The following SLC25A21 variants were observed in gnomAD, a reference collection of about 807,000 sequenced individuals.
The protein encoded by SLC25A21 is mitochondrial 2-oxodicarboxylate carrier.
SLC25A21 carries 47 observed loss-of-function variants against 43.8 expected under a neutral mutation model. The observed-to-expected ratio is 1.07, with a 90% CI of 0.85 to 1.37. The LOEUF is 1.37. SLC25A21 is among the 40% of genes most tolerant of loss of function. The pLI is 0.00. For synonymous variants in SLC25A21, 131 were observed against 121.3 expected (o/e 1.08, Z -0.52); for missense variants, 352 against 350.2 (o/e 1.00, Z -0.04).
At chr14:37,094,423 C>A (rs1164184627) in intron 1 of SLC25A21, among the ~76,000 whole-genome samples, 2 of 152,046 alleles carry the variant, frequency 1.3e-5, no homozygotes, top group Non-Finnish European at 2.9e-5. Flanking sequence ...TGATAATGCC[C>A]AGTTTGACGA....
chr14:36,843,303 T>G (rs148167311), intron 2 of SLC25A21, among the ~76,000 whole-genome samples: 1 of 152,276 alleles, frequency 6.6e-6, no homozygotes, highest in African/African-American at 2.4e-5. Flanking sequence ...GGAGCCTGGC[T>G]AATATAATAC....
At chr14:36,686,068 A>C (rs1292741461) in intron 7 of SLC25A21, among the ~76,000 whole-genome samples, 1 of 152,230 alleles carries the variant, frequency 6.6e-6, no homozygotes, top group Non-Finnish European at 1.5e-5. Context: ...TCAGTTAAAC[A>C]AGAAAATTCA....
intron 3 of SLC25A21, among the ~76,000 whole-genome samples, chr14:36,796,585 A>G (rs1594596033): frequency 6.6e-6 from 1 of 151,984 alleles, no homozygotes; most frequent in Non-Finnish European, 1.5e-5. Context: ...GGAGCTCACT[A>G]CTTGCCTTCC....
At chr14:37,137,632 T>C (rs1963504846) in intron 1 of SLC25A21, among the ~76,000 whole-genome samples, 1 of 152,216 alleles carries the variant, frequency 6.6e-6, no homozygotes, top group Admixed American at 6.5e-5. Context: ...TATACATTAC[T>C]ACATTGTAGG....
intron 7 of SLC25A21, among the ~76,000 whole-genome samples, chr14:36,699,670 C>G (rs1031286611): frequency 3.3e-5 from 5 of 152,186 alleles, no homozygotes; most frequent in African/African-American, 1.2e-4. Flanking sequence ...TGTCCCTCCC[C>G]CAGCCAGGCT....
chr14:36,914,071 T>C (rs1891764251), intron 1 of SLC25A21, among the ~76,000 whole-genome samples: 1 of 152,174 alleles, frequency 6.6e-6, no homozygotes, highest in Non-Finnish European at 1.5e-5. Flanking sequence ...GACAGCTAAA[T>C]GCTAAATACA....
At chr14:36,714,209 T>A (rs1002692974) in intron 6 of SLC25A21, among the ~76,000 whole-genome samples, 3 of 152,230 alleles carry the variant, frequency 2.0e-5, no homozygotes, top group Non-Finnish European at 2.9e-5. Context: ...TCTTTGTTAG[T>A]TGAAGGCAGT....
At chr14:37,018,405 C>A (rs1168811949) in intron 1 of SLC25A21, among the ~76,000 whole-genome samples, 1 of 152,034 alleles carries the variant, frequency 6.6e-6, no homozygotes, top group Non-Finnish European at 1.5e-5. Context: ...TTATGAGAAT[C>A]ATTTCACAAT....
At chr14:36,723,668 A>C (rs1884467357) in intron 6 of SLC25A21, among the ~76,000 whole-genome samples, 1 of 152,250 alleles carries the variant, frequency 6.6e-6, no homozygotes, top group African/African-American at 2.4e-5. Flanking sequence ...CATTCTTGCA[A>C]GTCATTAGCA....
intron 1 of SLC25A21, among the ~76,000 whole-genome samples, chr14:37,154,185 G>T (rs188818619): frequency 1.2e-4 from 19 of 152,116 alleles, no homozygotes; most frequent in Admixed American, 1.2e-3. Context: ...GGCCCACCTG[G>T]CATCTTAGTC....
At chr14:37,069,858 T>C (rs1962136587) in intron 1 of SLC25A21, among the ~76,000 whole-genome samples, 2 of 152,224 alleles carry the variant, frequency 1.3e-5, no homozygotes, top group Non-Finnish European at 2.9e-5. Context: ...CCTGGTTCTC[T>C]GCTCAAGAAA....
chr14:36,929,512 C>G (rs2138634682), intron 1 of SLC25A21, among the ~76,000 whole-genome samples: 1 of 152,080 alleles, frequency 6.6e-6, no homozygotes, highest in Admixed American at 6.5e-5. Flanking sequence ...AGTCTGTTTC[C>G]AATTAGAGAA....
At chr14:36,711,615 G>T in intron 6 of SLC25A21, 133 bp from the exon 7 acceptor site, 1 of 964,488 alleles carries the variant, frequency 1.0e-6, no homozygotes, top group Non-Finnish European at 1.4e-6. Flanking sequence ...ATCATGCCTA[G>T]AACTGTGTTT....
chr14:37,127,842 G>A (rs1255693353), intron 1 of SLC25A21, among the ~76,000 whole-genome samples: 1 of 152,132 alleles, frequency 6.6e-6, no homozygotes, highest in Non-Finnish European at 1.5e-5. Context: ...AATTAGTTTG[G>A]TAAGATGGAA....
rs1055714244 is a variant in SLC25A21, at chr14:37,154,557, T to C, written c.70+17724A>G. Among the ~76,000 whole-genome samples, 4 of 151,542 alleles carry C rather than the reference T, an allele frequency of 2.6e-5. No individual in the cohort carries two copies. The East Asian group carries it at 5.8e-4, about 22-fold the overall frequency. ...AGACATTTTCAAAATCCCAGTATAATGCAAAATATTGATTTTAAAGAAACT... is the reference window on the plus strand; with the variant it reads ...AGACATTTTCAAAATCCCAGTATAACGCAAAATATTGATTTTAAAGAAACT... On this transcript the variant is annotated intron_variant, in intron 1 of 9. Coordinates refer to ENST00000331299, the MANE Select transcript of SLC25A21 (RefSeq NM_030631.4).
chr14:36,685,076 G>T (rs1010776523), intron 7 of SLC25A21, 151 bp from the exon 8 acceptor site: 5 of 577,714 alleles, frequency 8.7e-6, no homozygotes, highest in African/African-American at 7.5e-5. Flanking sequence ...TCCTAGGCTG[G>T]AACTTGTTTT....
chr14:37,032,140 C>G lies in SLC25A21; in HGVS notation c.70+140141G>C, dbSNP rs186589985. 7.6e-4 allele frequency among the ~76,000 whole-genome samples: 115 copies of G among 152,226 alleles called. 1 individual carries two copies. The highest frequency in any genetic ancestry group is 2.2e-3 in the Admixed American group (33 of 15,286). ...TGTTATATTTGAAGAAATTAAAGTA[C>G]TACAGAAAATATTACATATAAATCA... On this transcript the variant is annotated intron_variant, in intron 1 of 9. Coordinates refer to ENST00000331299, the MANE Select transcript of SLC25A21 (RefSeq NM_030631.4).
chr14:36,811,178 G>A (rs532906698), intron 3 of SLC25A21, among the ~76,000 whole-genome samples: 2 of 152,192 alleles, frequency 1.3e-5, no homozygotes, highest in Non-Finnish European at 2.9e-5. Context: ...CAAGAAGCTT[G>A]AACTCCATAC....
At chr14:37,005,839 T>C (rs966654944) in intron 1 of SLC25A21, among the ~76,000 whole-genome samples, 3 of 152,336 alleles carry the variant, frequency 2.0e-5, no homozygotes, top group Middle Eastern at 3.4e-3. Flanking sequence ...TGAAACAAAG[T>C]ATATGGCCAT....
Sources: gnomAD v4.1 joint callset for allele counts (sites outside exome capture counted in the v4.1 genomes callset) on GRCh38, gnomAD v4.1.1 for gene constraint, MANE v1.5 for transcripts, NCBI Gene and HGNC (gene_info 2026-07-23, HGNC 2026-07-21) for gene names.